The following CACNA1B variants were observed in gnomAD, a reference collection of about 807,000 sequenced individuals.
CACNA1B encodes voltage-dependent N-type calcium channel subunit alpha-1B.
Under a neutral mutation model 247.2 loss-of-function variants are expected in CACNA1B, and 70 were observed. The ratio of observed to expected loss-of-function variants is 0.28; its 90% CI spans 0.23 to 0.35. The LOEUF is 0.35. Among genes scored for constraint, CACNA1B ranks in the 10% least tolerant of loss-of-function variants. The pLI is 1.00. For synonymous variants in CACNA1B, 1,231 were observed against 1,294.4 expected, an observed-to-expected ratio of 0.95 and a Z score of 1.05; for missense variants, 2,367 against 3,197.4, an observed-to-expected ratio of 0.74 and a Z score of 6.26.
In CACNA1B at chr9:138,057,919, C is replaced by T. The variant is rs769608349; in HGVS notation, c.4106+50C>T. The T allele has an allele frequency of 8.2e-6, 13 of 1,585,972 alleles. No homozygotes were observed. The East Asian group carries it at 1.1e-4, about 14-fold the overall frequency. ...AGCTGGGGCAGGCAGCCCCTGAGCT[C>T]GGCCTCCCTTCCTCCCTCTATCCCT... is the stretch of plus-strand genomic sequence containing the variant. On this transcript the variant is annotated intron_variant, in intron 27 of 46. Coordinates refer to ENST00000371372, the MANE Select transcript of CACNA1B (RefSeq NM_000718.4). This position sits in a 1 kb window ranked among gnomAD's most constrained non-coding sequence, Gnocchi z 4.0.
At chr9:137,884,685 G>C (rs1279267949) in intron 3 of CACNA1B, among the ~76,000 whole-genome samples, 1 of 151,914 alleles carries the variant, frequency 6.6e-6, no homozygotes, top group East Asian at 1.9e-4. Flanking sequence ...AGTGCTGGGG[G>C]GTGCGGGCCA....
intron 10 of CACNA1B, among the ~76,000 whole-genome samples, chr9:137,963,248 T>C (rs1157831739): frequency 6.6e-6 from 1 of 152,186 alleles, no homozygotes; most frequent in African/African-American, 2.4e-5. Context: ...TTTTCCTCCA[T>C]CCCTTTATTT....
At chr9:138,062,607 G>A (rs1022446988) in intron 31 of CACNA1B, among the ~76,000 whole-genome samples, 20 of 152,314 alleles carry the variant, frequency 1.3e-4, no homozygotes, top group Non-Finnish European at 2.5e-4. Flanking sequence ...CCAGGGCCAG[G>A]AAGTAGGTTG....
chr9:138,008,012 C>T (rs192648783), intron 16 of CACNA1B, among the ~76,000 whole-genome samples: 1 of 152,158 alleles, frequency 6.6e-6, no homozygotes, highest in South Asian at 2.1e-4. Flanking sequence ...TTGTTAGTCA[C>T]GGGGTGGTCC....
chr9:137,955,144 T>G lies in CACNA1B; in HGVS notation c.1071-554T>G, dbSNP rs1332616530. ...TTGGTTGAGGAGGCTACGTGGACTC[T>G]GCGGTATTACCCTTCTGCCTCTGGC... On this transcript the variant is annotated intron_variant, in intron 7 of 46. Transcript: ENST00000371372. The surrounding 1 kb of genome is among the most constrained non-coding windows in gnomAD (Gnocchi z 6.9). 4.6e-5 allele frequency among the ~76,000 whole-genome samples: 7 copies of G among 152,136 alleles called. No individual in the cohort carries two copies. Among genetic ancestry groups the G allele is most frequent in the Non-Finnish European group, 1.5e-5 (1 of 68,022 alleles).
intron 38 of CACNA1B, among the ~76,000 whole-genome samples, chr9:138,104,374 C>A (rs1422881907): frequency 6.6e-6 from 1 of 152,072 alleles, no homozygotes; most frequent in East Asian, 1.9e-4. Context: ...CACTGCTATC[C>A]CCAACGCCCC....
Position 137,990,396 on chromosome 9 carries a change from A to T in CACNA1B, c.1974+3542A>T, listed in dbSNP as rs1284351498. Among the ~76,000 whole-genome samples, 1 of 151,916 alleles carries T rather than the reference A, an allele frequency of 6.6e-6. No individual in the cohort carries two copies. The highest frequency in any genetic ancestry group is 2.4e-5 in the African/African-American group (1 of 41,336). ...CCTGATGGCCGAAGACAAAGGTTAT[A>T]ATCTCCTGGGGGCTCTGTGGTCCTG... On this transcript the variant is annotated intron_variant, in intron 15 of 46. Coordinates refer to ENST00000371372, the MANE Select transcript of CACNA1B (RefSeq NM_000718.4). The surrounding 1 kb of genome is among the most constrained non-coding windows in gnomAD (Gnocchi z 4.5).
intron 36 of CACNA1B, among the ~76,000 whole-genome samples, chr9:138,088,739 G>C (rs1309310528): frequency 6.6e-6 from 1 of 151,716 alleles, no homozygotes; most frequent in Non-Finnish European, 1.5e-5. Flanking sequence ...CAGATCATGA[G>C]GTCAGGAGAT....
intron 20 of CACNA1B, among the ~76,000 whole-genome samples, chr9:138,035,114 C>T (rs532815507): frequency 1.2e-4 from 19 of 152,216 alleles, no homozygotes; most frequent in Non-Finnish European, 2.6e-4. Flanking sequence ...TCATTCACCT[C>T]AGTTCGTCTC....
intron 3 of CACNA1B, among the ~76,000 whole-genome samples, chr9:137,911,755 A>G (rs542686582): frequency 6.6e-6 from 1 of 152,316 alleles, no homozygotes; most frequent in African/African-American, 2.4e-5. Context: ...GTTCTGTCTC[A>G]GATTTTGTCT....
In CACNA1B at chr9:138,020,800, C is replaced by T. The variant is rs1249302098; in HGVS notation, c.2268-2211C>T. Among the ~76,000 whole-genome samples the T allele has an allele frequency of 1.3e-5, 2 of 152,214 alleles. No homozygotes were observed. Among genetic ancestry groups the T allele is most frequent in the Admixed American group, 6.5e-5 (1 of 15,282 alleles). ...GGCCTTTCCCTGCTCCAGGTGTTTC[C>T]TGGGCGAGAAGGAGCCACACCTGAA... On this transcript the variant is annotated intron_variant, in intron 18 of 46. Coordinates refer to ENST00000371372, the MANE Select transcript of CACNA1B (RefSeq NM_000718.4). The surrounding 1 kb of genome is among the most constrained non-coding windows in gnomAD (Gnocchi z 4.1).
chr9:138,010,486 A>G lies in CACNA1B; in HGVS notation c.2160+409A>G, dbSNP rs1302889144. Reference sequence around the variant, plus strand: ...ATCCCTGAGCCTGGTGGGGGATGCAATTGTACATGTCTCCCTCTGTGATAT... The same window carrying G: ...ATCCCTGAGCCTGGTGGGGGATGCAGTTGTACATGTCTCCCTCTGTGATAT... On this transcript the variant is annotated intron_variant, in intron 17 of 46. Transcript: ENST00000371372. The surrounding 1 kb of genome is among the most constrained non-coding windows in gnomAD (Gnocchi z 5.3). Among the ~76,000 whole-genome samples the G allele has an allele frequency of 6.6e-6, 1 of 152,194 alleles. No homozygotes were observed. Among genetic ancestry groups the G allele is most frequent in the Non-Finnish European group, 1.5e-5 (1 of 67,990 alleles).
chr9:137,978,459 G>A (rs541742452), intron 12 of CACNA1B, among the ~76,000 whole-genome samples: 19 of 150,566 alleles, frequency 1.3e-4, no homozygotes, highest in Non-Finnish European at 2.4e-4. Context: ...GGAGTGAAGG[G>A]TGGGAGCACT....
intron 35 of CACNA1B, among the ~76,000 whole-genome samples, chr9:138,076,488 C>T (rs1294965208): frequency 1.3e-5 from 2 of 152,192 alleles, no homozygotes; most frequent in Non-Finnish European, 2.9e-5. Flanking sequence ...CTCCTGGATC[C>T]AGCCAAGCCA....
chr9:138,055,150 A>C (rs562679954), intron 26 of CACNA1B, among the ~76,000 whole-genome samples: 1 of 148,720 alleles, frequency 6.7e-6, no homozygotes, highest in Non-Finnish European at 1.5e-5. Context: ...TTTTTGAGAC[A>C]GGATCTCACA....
At chr9:137,896,494 T>C (rs542122409) in intron 3 of CACNA1B, among the ~76,000 whole-genome samples, 4 of 152,226 alleles carry the variant, frequency 2.6e-5, no homozygotes, top group Non-Finnish European at 5.9e-5. Context: ...GGTTGTGGTA[T>C]ATAATTCTTT....
At chr9:138,077,826 G>A (rs1286187839) in intron 35 of CACNA1B, among the ~76,000 whole-genome samples, 1 of 152,254 alleles carries the variant, frequency 6.6e-6, no homozygotes, top group African/African-American at 2.4e-5. Context: ...GAGGAGGTCA[G>A]GAGTACAACT....
chr9:138,066,526 G>T (rs1238322260), intron 31 of CACNA1B, among the ~76,000 whole-genome samples: 1 of 152,174 alleles, frequency 6.6e-6, no homozygotes, highest in African/African-American at 2.4e-5. Context: ...TGCTGCTGTG[G>T]GGCGTGAAAG....
At position 137,954,879 on chromosome 9, in the gene CACNA1B, T is replaced by TGTGTGTGTGTGTGTGTGTGTGAGA. The variant is rs1440887333; in HGVS notation, c.1071-818_1071-817insTGTGTGTGTGTGTGTGTGTGAGAG. ...GCTTGTGTGTGTGTGTGTGTGTGTG[T>TGTGTGTGTGTGTGTGTGTGTGAGA]GAGAGAGAGAGAGAGAGAGAGAGGG... On this transcript the variant is annotated intron_variant, in intron 7 of 46. Transcript: ENST00000371372. This position sits in a 1 kb window ranked among gnomAD's most constrained non-coding sequence, Gnocchi z 4.1. Among the ~76,000 whole-genome samples, 50 of 145,272 alleles carry TGTGTGTGTGTGTGTGTGTGTGAGA rather than the reference T, an allele frequency of 3.4e-4. No individual in the cohort carries two copies. The highest frequency in any genetic ancestry group is 1.2e-3 in the African/African-American group (45 of 38,718).
Sources: allele counts gnomAD v4.1 joint callset (sites outside exome capture counted in the v4.1 genomes callset), GRCh38; gene constraint gnomAD v4.1.1; non-coding constraint Gnocchi (gnomAD v3.1); transcripts MANE v1.5; gene names NCBI Gene and HGNC (gene_info 2026-07-23, HGNC 2026-07-21).